The following KPNA5 variants were observed in gnomAD, a reference collection of about 807,000 sequenced individuals.
KPNA5 encodes importin subunit alpha-6.
In KPNA5, 46 loss-of-function variants were observed where a neutral mutation model predicts 71.3. The observed-to-expected ratio is 0.65, with a 90% CI of 0.51 to 0.83. KPNA5 has a LOEUF of 0.83. KPNA5 is among the 40% of genes least tolerant of loss of function. The pLI, the probability that KPNA5 is intolerant of heterozygous loss-of-function variation, is 0.00. For missense variants in KPNA5, 547 were observed against 628.3 expected, an observed-to-expected ratio of 0.87 and a Z score of 1.38; for synonymous variants, 207 against 201.4, an observed-to-expected ratio of 1.03 and a Z score of -0.24.
intron 3 of KPNA5, 61 bp downstream of exon 3, chr6:116,692,217 A>G: frequency 7.0e-7 from 1 of 1,438,078 alleles, no homozygotes; most frequent in Non-Finnish European, 9.7e-7. Context: ...TAGTATGTAT[A>G]ACAAATATTT....
At position 116,689,306 on chromosome 6, in the gene KPNA5, C is replaced by A; in HGVS notation, c.5-14C>A. On this transcript the variant is annotated splice_polypyrimidine_tract_variant and intron_variant, in intron 1 of 13. Transcript: ENST00000368564. Reference sequence around the variant, plus strand: ...GAGTTATCAGTGTCTGTTTTCTTTTCTCCTTCCTTTAAGATGCCATGGCTA... The same window carrying A: ...GAGTTATCAGTGTCTGTTTTCTTTTATCCTTCCTTTAAGATGCCATGGCTA... 1 of 1,594,526 alleles carries A rather than the reference C, an allele frequency of 6.3e-7. No homozygotes were observed. Among genetic ancestry groups the A allele is most frequent in the Non-Finnish European group, 8.5e-7 (1 of 1,174,588 alleles).
intron 1 of KPNA5, among the ~76,000 whole-genome samples, chr6:116,685,600 C>T (rs909880036): frequency 2.0e-5 from 3 of 152,180 alleles, no homozygotes; most frequent in Non-Finnish European, 4.4e-5. Flanking sequence ...ATTCATGTTC[C>T]CACAGAAGAC....
At chr6:116,688,958 T>C (rs1480589216) in intron 1 of KPNA5, among the ~76,000 whole-genome samples, 2 of 152,056 alleles carry the variant, frequency 1.3e-5, no homozygotes, top group Non-Finnish European at 2.9e-5. Flanking sequence ...GAAGACTTTT[T>C]TTTTAACCCA....
intron 13 of KPNA5, 106 bp downstream of exon 13, chr6:116,729,847 T>C (rs1434865855): frequency 1.5e-6 from 1 of 652,072 alleles, no homozygotes; most frequent in Non-Finnish European, 2.4e-6. Context: ...AGTATGTATT[T>C]TTTTAAGTTT....
intron 8 of KPNA5, among the ~76,000 whole-genome samples, chr6:116,721,246 A>G (rs1433114853): frequency 6.6e-6 from 1 of 152,246 alleles, no homozygotes; most frequent in African/African-American, 2.4e-5. Context: ...AAAGTCATCT[A>G]AAATATTAGA....
intron 8 of KPNA5, among the ~76,000 whole-genome samples, chr6:116,718,872 A>T (rs9372469): frequency 0.18 from 27,740 of 151,626 alleles, 2,701 homozygotes; most frequent in East Asian, 0.3. Flanking sequence ...GGTTCAAGCA[A>T]TTCTCCTGCC....
intron 5 of KPNA5, among the ~76,000 whole-genome samples, chr6:116,701,547 C>A (rs948700875): frequency 5.9e-5 from 9 of 152,168 alleles, no homozygotes; most frequent in African/African-American, 2.2e-4. Flanking sequence ...AATCTCTCAA[C>A]TTCTAATTTT....
intron 7 of KPNA5, among the ~76,000 whole-genome samples, chr6:116,714,622 A>G (rs1002594102): frequency 1.3e-5 from 2 of 152,104 alleles, no homozygotes; most frequent in African/African-American, 4.8e-5. Context: ...TAGCCCAAGT[A>G]TCTTACTCCC....
chr6:116,736,861 TCAGA>T lies in KPNA5; in HGVS notation c.*4541_*4544del, dbSNP rs1170981713. 1 of 151,934 alleles carries T rather than the reference TCAGA, an allele frequency of 6.6e-6. No homozygotes were observed. The highest frequency in any genetic ancestry group is 1.5e-5 in the Non-Finnish European group (1 of 67,896). 9.4% of individuals were successfully genotyped at this position (151,934 alleles called of 1,614,324 possible). On this transcript the variant is annotated 3_prime_UTR_variant, in exon 14 of 14. Coordinates refer to ENST00000368564, the MANE Select transcript of KPNA5 (RefSeq NM_001366306.2). ...TAATTCCATTAGTGTATTTTTTATG[TCAGA>T]CATTGTGTATTTTATCTTTAAAAAT...
chr6:116,698,767 T>C lies in KPNA5; in HGVS notation c.404T>C (p.Phe135Ser). 1 of 1,598,862 alleles carries C rather than the reference T, an allele frequency of 6.3e-7. No individual in the cohort carries two copies. Among genetic ancestry groups the C allele is most frequent in the Non-Finnish European group, 8.5e-7 (1 of 1,172,042 alleles). The change falls in exon 5 of 14, where the codon TTT becomes TCT. Residue 135 changes from phenylalanine to serine, a missense_variant. Physicochemically the swap from Phe to Ser is radical, Grantham distance 155. Transcript: ENST00000368564. ...GGAGTTGTACAGAGATTTGTGAAAT[T>C]TCTTGAAAGAAATGAAAATTGCACT... Reference protein sequence around the residue: ...KPGVVQRFVKFLERNENCTLQ... With the variant: ...KPGVVQRFVKSLERNENCTLQ...
rs148859917 is a variant in KPNA5 at position 116,725,787 on chromosome 6, C to T, written c.1036C>T (p.His346Tyr). 6 of 1,612,900 alleles carry T rather than the reference C, an allele frequency of 3.7e-6. No individual in the cohort carries two copies. Among genetic ancestry groups the T allele is most frequent in the Non-Finnish European group, 5.1e-6 (6 of 1,179,422 alleles). ...TTGTTCTGCATTACCCTGTCTCTTACATTTATTGAGTAGCCCAAAGGAGTC... is the reference window on the plus strand; with the variant it reads ...TTGTTCTGCATTACCCTGTCTCTTATATTTATTGAGTAGCCCAAAGGAGTC... Reference protein sequence around the residue: ...LNCSALPCLLHLLSSPKESIR... With the variant: ...LNCSALPCLLYLLSSPKESIR... The change falls in exon 11 of 14, where the codon CAT becomes TAT. Residue 346 changes from histidine (H) to tyrosine (Y), a missense_variant. Coordinates refer to ENST00000368564, the MANE Select transcript of KPNA5 (RefSeq NM_001366306.2).
In KPNA5 at chr6:116,681,323, A is replaced by G; in HGVS notation, c.-12A>G. On this transcript the variant is annotated 5_prime_UTR_variant, in exon 1 of 14. Coordinates refer to ENST00000368564, the MANE Select transcript of KPNA5 (RefSeq NM_001366306.2). ...GGACTGGGAAATCAGGGCATCGGAG[A>G]GTGCCACATTAATGGGTAAGTTGGA... is the stretch of plus-strand genomic sequence containing the variant. 1 of 1,607,192 alleles carries G rather than the reference A, an allele frequency of 6.2e-7. No individual in the cohort carries two copies.
At chr6:116,718,506 A>G (rs1310971189) in intron 8 of KPNA5, among the ~76,000 whole-genome samples, 1 of 151,894 alleles carries the variant, frequency 6.6e-6, no homozygotes, top group Admixed American at 6.6e-5. Context: ...CAGGCAAGCT[A>G]CCTGCCTCGG....
intron 1 of KPNA5, 33 bp downstream of exon 1, chr6:116,681,371 G>A (rs369605638): frequency 1.9e-6 from 3 of 1,565,788 alleles, no homozygotes; most frequent in Admixed American, 1.9e-5. Context: ...TAGGTTGGGG[G>A]AGCCTCGGTT....
intron 7 of KPNA5, among the ~76,000 whole-genome samples, chr6:116,712,603 A>G (rs1268253159): frequency 1.3e-5 from 2 of 152,096 alleles, no homozygotes; most frequent in Non-Finnish European, 2.9e-5. Context: ...ACTACTGATA[A>G]ATGGGGACTT....
chr6:116,703,864 A>T (rs1027436899), intron 6 of KPNA5, among the ~76,000 whole-genome samples: 4 of 152,254 alleles, frequency 2.6e-5, no homozygotes, highest in African/African-American at 7.2e-5. Flanking sequence ...TTGCATTTGC[A>T]TAATTTCTTA....
rs1349590645 is a variant in KPNA5, at chr6:116,735,534, A to T, written c.*3211A>T. 2.0e-5 allele frequency: 3 copies of T among 151,778 alleles called. No individual in the cohort carries two copies. The highest frequency in any genetic ancestry group is 4.4e-5 in the Non-Finnish European group (3 of 67,744). 9.4% of individuals were successfully genotyped at this position (151,778 alleles called of 1,614,324 possible). A position where few individuals can be genotyped will look rare whatever the true frequency, so the allele number is the denominator to read the frequency against. ...TTTAAATTCTGACTGGGGAGTAAGA[A>T]GAGAAGATATTCTTACCCTACTAAA... On this transcript the variant is annotated 3_prime_UTR_variant, in exon 14 of 14. Coordinates refer to ENST00000368564, the MANE Select transcript of KPNA5 (RefSeq NM_001366306.2).
intron 11 of KPNA5, among the ~76,000 whole-genome samples, 185 bp downstream of exon 11, chr6:116,726,061 A>AGTGTGT (rs58131077): frequency 4.5e-4 from 68 of 150,662 alleles, no homozygotes; most frequent in African/African-American, 9.7e-4. Flanking sequence ...AAGAACATCA[A>AGTGTGT]GTGTGTGTGT....
chr6:116,740,962 T>C lies in KPNA5; in HGVS notation c.*8639T>C, dbSNP rs1779852956. On this transcript the variant is annotated 3_prime_UTR_variant, in exon 14 of 14. Coordinates refer to ENST00000368564, the MANE Select transcript of KPNA5 (RefSeq NM_001366306.2). ...ATACATATGTAACTAACCTGCACAT[T>C]GTGCACATGTACCCTGAAACTTAAA... 1 of 151,984 alleles carries C rather than the reference T, an allele frequency of 6.6e-6. No individual in the cohort carries two copies. Among genetic ancestry groups the C allele is most frequent in the Non-Finnish European group, 1.5e-5 (1 of 68,008 alleles). 9.4% of individuals were successfully genotyped at this position (151,984 alleles called of 1,614,324 possible). A position where few individuals can be genotyped will look rare whatever the true frequency, so the allele number is the denominator to read the frequency against.
Sources: gnomAD v4.1 joint callset for allele counts (sites outside exome capture counted in the v4.1 genomes callset) on GRCh38, gnomAD v4.1.1 for gene constraint, MANE v1.5 for transcripts, NCBI Gene and HGNC (gene_info 2026-07-23, HGNC 2026-07-21) for gene names.